Variants in LZTS1 observed in about 807,000 individuals in gnomAD.
The protein encoded by LZTS1 is leucine zipper tumor suppressor 1, also known as leucine zipper putative tumor suppressor 1.
Under a neutral mutation model 45.8 loss-of-function variants are expected in LZTS1, and 31 were observed. That is an observed-to-expected ratio of 0.68 (90% CI 0.51 to 0.91). The LOEUF (loss-of-function observed/expected upper bound fraction) is 0.91, where lower values mean the gene tolerates loss of function less well. Among genes scored for constraint, LZTS1 ranks in the 40% least tolerant of loss-of-function variants. The pLI is 0.00. For synonymous variants in LZTS1, 359 were observed against 357.3 expected (o/e 1.00, Z -0.05); for missense variants, 821 against 788.9 (o/e 1.04, Z -0.49).
intron 1 of LZTS1, among the ~76,000 whole-genome samples, chr8:20,280,700 G>A (rs1271030187): frequency 1.3e-5 from 2 of 152,124 alleles, no homozygotes; most frequent in Non-Finnish European, 2.9e-5. Flanking sequence ...GAAGGGGCAG[G>A]GTGGTCCTGA....
Position 20,252,746 on chromosome 8 carries a change from T to C in LZTS1, c.1149+36A>G, listed in dbSNP as rs771145052. ...GAGGGGGGTACTGGCGCCAAACCGC[T>C]GACCACCCAAACCCATGAGCCCTGT... On this transcript the variant is annotated intron_variant, in intron 3 of 3. Transcript: ENST00000381569. 5.4e-6 allele frequency: 8 copies of C among 1,481,260 alleles called. No homozygotes were observed. The South Asian group carries it at 9.0e-5, about 17-fold the overall frequency. The allele number at this position is 1,481,260 out of a possible 1,614,324, so 91.8% of individuals were successfully genotyped here.
At chr8:20,282,969 T>C (rs1800722250) in intron 1 of LZTS1, among the ~76,000 whole-genome samples, 1 of 152,102 alleles carries the variant, frequency 6.6e-6, no homozygotes, top group Non-Finnish European at 1.5e-5. Context: ...TAGAATAGAA[T>C]AAAATAGGAC....
rs1475495299 is a variant in LZTS1 at position 20,249,786 on chromosome 8, G to A, written c.1727C>T (p.Pro576Leu). The A allele has an allele frequency of 2.5e-6, 4 of 1,613,800 alleles. No individual in the cohort carries two copies. The highest frequency in any genetic ancestry group is 3.4e-6 in the Non-Finnish European group (4 of 1,180,006). Residue 576 changes from proline (P) to leucine (L), a missense_variant, in exon 4 of 4, where the codon CCC becomes CTC. Physicochemically the swap from Pro to Leu is moderately conservative, Grantham distance 98 (BLOSUM62 -3). Transcript: ENST00000381569. ...AGCCCCTTCCAGGTCAACCTCCAAG[G>A]GCTCCCCGGCGCTGTCCCCACGTGC... ...QLARGDSAGEPLEVDLEGADI... is the reference protein window; with the variant it reads ...QLARGDSAGELLEVDLEGADI...
Position 20,288,994 on chromosome 8 carries a change from T to TG in LZTS1, c.-135+14745_-135+14746insC, listed in dbSNP as rs1336332294. 3.9e-4 allele frequency among the ~76,000 whole-genome samples: 58 copies of TG among 150,578 alleles called. No homozygotes were observed. In the East Asian group the frequency reaches 8.4e-3, roughly 22 times the overall value. ...GCTTAAAAATAGCAGCTGGTTTTTT[T>TG]TTTTTTTTTTTTTAGACATATGGGA... On this transcript the variant is annotated intron_variant, in intron 1 of 3. Transcript: ENST00000381569.
chr8:20,249,833 C>T lies in LZTS1; in HGVS notation c.1680G>A (p.Leu560=), dbSNP rs200530371. The change falls in exon 4 of 4, where the codon CTG becomes CTA. Residue 560 remains leucine, a synonymous_variant. Coordinates refer to ENST00000381569, the MANE Select transcript of LZTS1 (RefSeq NM_021020.5). ...GTGCCAGCTGCTGCAGGGCCTTCTC[C>T]AGGCGCTGGTTCCGCTGGTACATGG... ...YVAMYQRNQR[L]EKALQQLARG... 4.9e-4 allele frequency: 791 copies of T among 1,614,232 alleles called. 4 individuals are homozygous for T. Among genetic ancestry groups the T allele is most frequent in the East Asian group, 2.8e-3 (125 of 44,872 alleles).
intron 1 of LZTS1, among the ~76,000 whole-genome samples, chr8:20,296,414 C>T (rs576651539): frequency 6.6e-5 from 10 of 152,368 alleles, no homozygotes; most frequent in African/African-American, 2.4e-4. Context: ...GGCCCATCCT[C>T]TTCCTCCAGA....
intron 1 of LZTS1, among the ~76,000 whole-genome samples, chr8:20,276,665 G>C (rs62499982): frequency 6.6e-6 from 1 of 152,090 alleles, no homozygotes; most frequent in Non-Finnish European, 1.5e-5. Context: ...TCAAACCCAA[G>C]GCTGGGGTCA....
rs80315392 is a variant in LZTS1, at chr8:20,252,839, C to G, written c.1092G>C (p.Arg364Ser). 1 of 1,576,950 alleles carries G rather than the reference C, an allele frequency of 6.3e-7. No homozygotes were observed. Residue 364 changes from arginine (R) to serine (S), a missense_variant, in exon 3 of 4, where the codon AGG becomes AGC. By Grantham distance (110) the Arg-to-Ser change is moderately radical. Transcript: ENST00000381569. ...AGCTGGTCTTCTCCCTCTCGTAGGA[C>G]CTGAGCTTGGTCTCCAGCAGGTCCT... ...KEQDLLETKL[R>S]SYEREKTSFG...
At chr8:20,290,359 C>G (rs551594988) in intron 1 of LZTS1, 14 of 152,282 alleles carry the variant, frequency 9.2e-5, no homozygotes, top group African/African-American at 3.1e-4. Context: ...ACACCATTAA[C>G]AGGGAAAAGT....
intron 1 of LZTS1, among the ~76,000 whole-genome samples, chr8:20,272,513 G>T (rs569514851): frequency 6.6e-6 from 1 of 152,040 alleles, no homozygotes; most frequent in East Asian, 1.9e-4. Flanking sequence ...CCCAGATGCC[G>T]ATGGGGACCC....
Position 20,249,839 on chromosome 8 carries a change from C to G in LZTS1, c.1674G>C (p.Gln558His). Reference protein sequence around the residue: ...QSYVAMYQRNQRLEKALQQLA... With the variant: ...QSYVAMYQRNHRLEKALQQLA... ...GCTGCTGCAGGGCCTTCTCCAGGCG[C>G]TGGTTCCGCTGGTACATGGCCACGT... Residue 558 changes from glutamine (Q) to histidine (H), a missense_variant, in exon 4 of 4, where the codon CAG (glutamine) becomes CAC (histidine). By Grantham distance (24) the Gln-to-His change is conservative. Transcript: ENST00000381569. 1 of 1,614,230 alleles carries G rather than the reference C, an allele frequency of 6.2e-7. No homozygotes were observed. The highest frequency in any genetic ancestry group is 1.1e-5 in the South Asian group (1 of 91,080).
At chr8:20,258,651 A>G (rs930699043) in intron 1 of LZTS1, among the ~76,000 whole-genome samples, 1 of 152,202 alleles carries the variant, frequency 6.6e-6, no homozygotes, top group Non-Finnish European at 1.5e-5. Context: ...TAGGATCGTT[A>G]TGAGAAATTT....
chr8:20,294,200 C>G (rs1800944966), intron 1 of LZTS1, among the ~76,000 whole-genome samples: 1 of 152,172 alleles, frequency 6.6e-6, no homozygotes, highest in South Asian at 2.1e-4. Flanking sequence ...GTCTGCGGCT[C>G]TAGAATAGAA....
chr8:20,303,940 A>G lies in LZTS1; in HGVS notation c.-335T>C, dbSNP rs1801129661. The stretch of plus-strand genomic sequence containing the variant: ...CCCGCCCGGCCGCTGCCAACCCGCC[A>G]GCTCCAGGCGCGCCGGCCTCTGCGC... On this transcript the variant is annotated 5_prime_UTR_variant, in exon 1 of 4. Coordinates refer to ENST00000381569, the MANE Select transcript of LZTS1 (RefSeq NM_021020.5). The G allele has an allele frequency of 5.1e-6, 5 of 979,832 alleles. No homozygotes were observed. The South Asian group carries it at 2.4e-4, about 46-fold the overall frequency. 60.7% of individuals were successfully genotyped at this position (979,832 alleles called of 1,614,324 possible).
chr8:20,265,078 G>A (rs1800319874), intron 1 of LZTS1, among the ~76,000 whole-genome samples: 1 of 152,184 alleles, frequency 6.6e-6, no homozygotes, highest in Non-Finnish European at 1.5e-5. Flanking sequence ...GGCTGCAGCT[G>A]CTGTCCCAGG....
chr8:20,285,554 G>A (rs1319137222), intron 1 of LZTS1, among the ~76,000 whole-genome samples: 1 of 152,126 alleles, frequency 6.6e-6, no homozygotes, highest in East Asian at 1.9e-4. Flanking sequence ...AAACTCTAAC[G>A]TATTATTGTG....
At position 20,265,849 on chromosome 8, in the gene LZTS1, T is replaced by A. The variant is rs1307947751; in HGVS notation, c.-134-10534A>T. Among the ~76,000 whole-genome samples the A allele has an allele frequency of 4.6e-5, 7 of 152,266 alleles. No homozygotes were observed. In the East Asian group the frequency reaches 1.4e-3, roughly 29 times the overall value. On this transcript the variant is annotated intron_variant, in intron 1 of 3. Transcript: ENST00000381569. ...TCCCTTGGCCACAGTTGCTCCTCAG[T>A]GCTCAGCTCCCTTGGCCCTCAGCCT...
chr8:20,270,452 A>G (rs1406561941), intron 1 of LZTS1, among the ~76,000 whole-genome samples: 1 of 152,222 alleles, frequency 6.6e-6, no homozygotes, highest in Non-Finnish European at 1.5e-5. Flanking sequence ...GGCAGGTGAT[A>G]AGTGCTGTCT....
intron 1 of LZTS1, among the ~76,000 whole-genome samples, chr8:20,274,797 G>A (rs1200340778): frequency 1.3e-5 from 2 of 152,178 alleles, no homozygotes; most frequent in East Asian, 1.9e-4. Flanking sequence ...GAAAGTCCTC[G>A]TAAAGCGGGA....
Sources: gnomAD v4.1 joint callset for allele counts (sites outside exome capture counted in the v4.1 genomes callset) on GRCh38, gnomAD v4.1.1 for gene constraint, MANE v1.5 for transcripts, NCBI Gene and HGNC (gene_info 2026-07-23, HGNC 2026-07-21) for gene names.